The following NXN variants were observed in gnomAD, a reference collection of about 807,000 sequenced individuals.
NXN encodes the protein nucleoredoxin, also known as nucleoredoxin 1.
In NXN, 16 loss-of-function variants were observed where a neutral mutation model predicts 48.6. The ratio of observed to expected loss-of-function variants is 0.33; its 90% CI spans 0.22 to 0.50. NXN has a LOEUF of 0.50. NXN is among the 20% of genes least tolerant of loss of function. The pLI, the probability that NXN is intolerant of heterozygous loss-of-function variation, is 0.98. For synonymous variants in NXN, 281 were observed against 269.6 expected (o/e 1.04, Z -0.41); for missense variants, 492 against 605.5 (o/e 0.81, Z 1.97).
At chr17:807,367 C>T (rs1051958807) in intron 5 of NXN, among the ~76,000 whole-genome samples, 7 of 152,168 alleles carry the variant, frequency 4.6e-5, no homozygotes, top group South Asian at 2.1e-4. Flanking sequence ...TGTGCCCCGG[C>T]GTGGGATGCC....
chr17:841,209 T>C (rs111406481), intron 1 of NXN, among the ~76,000 whole-genome samples: 7,376 of 152,284 alleles, frequency 0.048, 220 homozygotes, highest in African/African-American at 0.087. Context: ...ATACTTCTCA[T>C]GTGGGCCCTT....
chr17:844,666 C>A (rs2067840342), intron 1 of NXN, among the ~76,000 whole-genome samples: 1 of 151,948 alleles, frequency 6.6e-6, no homozygotes, highest in Admixed American at 6.6e-5. Context: ...CTCACTACAA[C>A]CTCCGCCTCC....
At chr17:970,592 G>C (rs920062877) in intron 1 of NXN, among the ~76,000 whole-genome samples, 1 of 152,152 alleles carries the variant, frequency 6.6e-6, no homozygotes, top group African/African-American at 2.4e-5. Context: ...CACACCTAGA[G>C]GAAGAAAGCC....
At chr17:803,951 G>T in intron 6 of NXN, 145 bp from the exon 7 acceptor site, 1 of 1,029,730 alleles carries the variant, frequency 9.7e-7, no homozygotes, top group Non-Finnish European at 1.4e-6. Flanking sequence ...TTGGATGCAG[G>T]TCTTGCTCCC....
chr17:825,207 A>G lies in NXN; in HGVS notation c.478+754T>C, dbSNP rs1368549039. Among the ~76,000 whole-genome samples the G allele has an allele frequency of 3.1e-5, 3 of 95,288 alleles. No individual in the cohort carries two copies. Among genetic ancestry groups the G allele is most frequent in the Admixed American group, 3.1e-4 (3 of 9,706 alleles). The allele number at this position is 95,288 out of a possible 152,430, so 62.5% of individuals were successfully genotyped here. A position where few individuals can be genotyped will look rare whatever the true frequency, so the allele number is the denominator to read the frequency against. ...CACTCGGCCTGGGCGACAGAGGGAG[A>G]TAGTGTCTCAAGAGAAAAAAAAAAA... On this transcript the variant is annotated intron_variant, in intron 2 of 7. Transcript: ENST00000336868. The surrounding 1 kb of genome is among the most constrained non-coding windows in gnomAD (Gnocchi z 4.1).
At chr17:966,778 T>G in intron 1 of NXN, among the ~76,000 whole-genome samples, 1 of 123,744 alleles carries the variant, frequency 8.1e-6, no homozygotes, top group African/African-American at 3.2e-5. Flanking sequence ...CACACTGGAG[T>G]CTGCATTCAG....
chr17:825,715 A>G lies in NXN; in HGVS notation c.478+246T>C. ...CCCTCCAAGCGGAGCTTCTTACGGC[A>G]GAGTCCATCTCTTTTGGCCCATGAA... On this transcript the variant is annotated intron_variant, in intron 2 of 7. Transcript: ENST00000336868. The surrounding 1 kb of genome is among the most constrained non-coding windows in gnomAD (Gnocchi z 4.1). 1 of 420,978 alleles carries G rather than the reference A, an allele frequency of 2.4e-6. No individual in the cohort carries two copies. Among genetic ancestry groups the G allele is most frequent in the Non-Finnish European group, 4.2e-6 (1 of 236,824 alleles). The allele number at this position is 420,978 out of a possible 1,614,324, so 26.1% of individuals were successfully genotyped here.
chr17:827,557 G>A (rs5011857), intron 1 of NXN, among the ~76,000 whole-genome samples: 103,399 of 151,760 alleles, frequency 0.68, 36,186 homozygotes, highest in African/African-American at 0.85. Context: ...CGGGAGGCGG[G>A]GCTTGCGGTG....
intron 1 of NXN, among the ~76,000 whole-genome samples, chr17:972,115 A>G (rs898418357): frequency 6.6e-6 from 1 of 152,220 alleles, no homozygotes; most frequent in Non-Finnish European, 1.5e-5. Flanking sequence ...AGCCAGACCA[A>G]CATGGTGAAA....
intron 1 of NXN, chr17:933,222 C>G (rs2068872932): frequency 6.6e-6 from 1 of 152,280 alleles, no homozygotes; most frequent in South Asian, 2.1e-4. Flanking sequence ...ACACAGAACC[C>G]CCTAACTGGT....
intron 1 of NXN, among the ~76,000 whole-genome samples, chr17:935,516 C>T (rs1316698114): frequency 2.0e-5 from 3 of 152,188 alleles, no homozygotes; most frequent in African/African-American, 7.2e-5. Context: ...GACCAAGACA[C>T]TTCAGGATCC....
rs771678202 is a variant in NXN at position 926,527 on chromosome 17, G to GTTTTTTGTTTTTTTTTTGT, written c.360+52773_360+52791dup. On this transcript the variant is annotated intron_variant, in intron 1 of 7. Coordinates refer to ENST00000336868, the MANE Select transcript of NXN (RefSeq NM_022463.5). ...CTCTTTATTAACAGGAGTATCCCAT[G>GTTTTTTGTTTTTTTTTTGT]TTTTTTGTTTTTTTTTTGTTTTTTT... is the stretch of plus-strand genomic sequence containing the variant. Among the ~76,000 whole-genome samples the GTTTTTTGTTTTTTTTTTGT allele has an allele frequency of 9.0e-3, 507 of 56,302 alleles. 1 individual carries two copies. Among genetic ancestry groups the GTTTTTTGTTTTTTTTTTGT allele is most frequent in the African/African-American group, 0.018 (398 of 22,548 alleles). The allele number at this position is 56,302 out of a possible 152,430, so 36.9% of individuals were successfully genotyped here. A position where few individuals can be genotyped will look rare whatever the true frequency, so the allele number is the denominator to read the frequency against.
rs562900457 is a variant in NXN, at chr17:830,639, C to T, written c.361-4561G>A. Among the ~76,000 whole-genome samples the T allele has an allele frequency of 1.6e-3, 237 of 152,276 alleles. No homozygotes were observed. The highest frequency in any genetic ancestry group is 5.1e-3 in the African/African-American group (214 of 41,564). On this transcript the variant is annotated intron_variant, in intron 1 of 7. Transcript: ENST00000336868. The surrounding 1 kb of genome is among the most constrained non-coding windows in gnomAD (Gnocchi z 4.2). ...TCATAAGATTTGTGAACCACATCGT[C>T]AAGGCCCCGTGGACGACAGCAAAAA... is the stretch of plus-strand genomic sequence containing the variant.
In NXN at chr17:822,449, G is replaced by A. The variant is rs539833532; in HGVS notation, c.621C>T (p.Pro207=). ...CCAGGACCCGGGTGAGGCTTCGGCA[G>A]GGCGGACACTGAAAGACAGGACAGC... ...GVYFSAHWCP[P]CRSLTRVLVE... is the part of the protein sequence containing the mutation. The change falls in exon 4 of 8, where the codon CCC becomes CCT. Residue 207 remains proline (P), a synonymous_variant. Transcript: ENST00000336868. 441 of 1,613,714 alleles carry A rather than the reference G, an allele frequency of 2.7e-4. 2 individuals carry two copies. The South Asian group carries it at 3.0e-3, about 11-fold the overall frequency.
chr17:806,970 G>A (rs955836874), intron 5 of NXN, among the ~76,000 whole-genome samples: 1 of 151,990 alleles, frequency 6.6e-6, no homozygotes, highest in Admixed American at 6.6e-5. Context: ...ACACACATGC[G>A]GCCGGCTCTC....
chr17:950,956 A>T (rs2069102211), intron 1 of NXN, among the ~76,000 whole-genome samples: 1 of 152,024 alleles, frequency 6.6e-6, no homozygotes, highest in Non-Finnish European at 1.5e-5. Context: ...ACTTTCTGGA[A>T]GTCTAACTAG....
At chr17:852,353 G>C (rs2067932951) in intron 1 of NXN, among the ~76,000 whole-genome samples, 1 of 152,150 alleles carries the variant, frequency 6.6e-6, no homozygotes. Context: ...CCACTGACCA[G>C]GACGTGGGCC....
At position 857,044 on chromosome 17, in the gene NXN, A is replaced by G. The variant is rs187502172; in HGVS notation, c.361-30966T>C. On this transcript the variant is annotated intron_variant, in intron 1 of 7. Coordinates refer to ENST00000336868, the MANE Select transcript of NXN (RefSeq NM_022463.5). ...CACCCCCACTTCTCGGTACCAATTT[A>G]TTTCTGTCTGAATCCATTCAAGCTG... 1.8e-3 allele frequency among the ~76,000 whole-genome samples: 275 copies of G among 152,142 alleles called. 2 individuals are homozygous for G. Among genetic ancestry groups the G allele is most frequent in the African/African-American group, 6.5e-3 (268 of 41,498 alleles).
At chr17:897,611 C>T (rs1313021610) in intron 1 of NXN, among the ~76,000 whole-genome samples, 1 of 152,150 alleles carries the variant, frequency 6.6e-6, no homozygotes, top group Admixed American at 6.5e-5. Flanking sequence ...TAGGGCAATC[C>T]GCAAAGATTT....
Sources: gnomAD v4.1 joint callset for allele counts (sites outside exome capture counted in the v4.1 genomes callset) on GRCh38, gnomAD v4.1.1 for gene constraint, Gnocchi (gnomAD v3.1) non-coding constraint, MANE v1.5 for transcripts, NCBI Gene and HGNC (gene_info 2026-07-23, HGNC 2026-07-21) for gene names.